Variants in EYS observed in about 807,000 individuals in gnomAD.
EYS encodes the protein protein eyes shut homolog.
Under a neutral mutation model 282.1 loss-of-function variants are expected in EYS, and 250 were observed. That is an observed-to-expected ratio of 0.89 (90% CI 0.80 to 0.98). The LOEUF is 0.98. Among genes scored for constraint, EYS ranks in the 50% least tolerant of loss-of-function variants. The probability of loss-of-function intolerance (pLI) is 0.00; values close to 1 mark genes in which losing one functional copy is unlikely to be tolerated. For synonymous variants in EYS, 1,355 were observed against 1,282.9 expected, an observed-to-expected ratio of 1.06 and a Z score of -1.20; for missense variants, 4,016 against 3,709.0, an observed-to-expected ratio of 1.08 and a Z score of -2.15.
chr6:64,625,189 T>C (rs1160719624), intron 23 of EYS, among the ~76,000 whole-genome samples: 1 of 151,556 alleles, frequency 6.6e-6, no homozygotes, highest in Non-Finnish European at 1.5e-5. Flanking sequence ...AGAGCAAAAA[T>C]CTGAAGTTAG....
intron 26 of EYS, among the ~76,000 whole-genome samples, chr6:64,475,608 C>T (rs1018135176): frequency 2.0e-5 from 3 of 151,658 alleles, no homozygotes; most frequent in Non-Finnish European, 4.4e-5. Context: ...AACACAGTTC[C>T]TGGCACATAG....
At chr6:65,375,166 G>T (rs2150344740) in intron 8 of EYS, among the ~76,000 whole-genome samples, 1 of 152,296 alleles carries the variant, frequency 6.6e-6, no homozygotes, top group East Asian at 1.9e-4. Context: ...GCCCCTCTGG[G>T]ACGAAGCTTC....
At chr6:64,768,492 C>G (rs963014308) in intron 22 of EYS, among the ~76,000 whole-genome samples, 1 of 152,034 alleles carries the variant, frequency 6.6e-6, no homozygotes, top group Non-Finnish European at 1.5e-5. Context: ...AAGTCTATTA[C>G]TTTTTTGGTC....
intron 12 of EYS, among the ~76,000 whole-genome samples, chr6:65,169,237 G>T (rs189374501): frequency 2.0e-5 from 3 of 151,444 alleles, no homozygotes; most frequent in Non-Finnish European, 3.0e-5. Context: ...CATGAAATTA[G>T]ATTGGAAAAG....
intron 35 of EYS, among the ~76,000 whole-genome samples, chr6:63,901,584 T>C (rs1773660567): frequency 6.6e-6 from 1 of 152,194 alleles, no homozygotes; most frequent in African/African-American, 2.4e-5. Flanking sequence ...ATAGTCACTG[T>C]TGAAAGCTAA....
chr6:64,488,608 A>T (rs1050381981), intron 26 of EYS, among the ~76,000 whole-genome samples: 7 of 151,112 alleles, frequency 4.6e-5, no homozygotes, highest in African/African-American at 1.4e-4. Context: ...ATTCTCATGT[A>T]TAAATAACTT....
At position 65,289,351 on chromosome 6, in the gene EYS, T is replaced by C. The variant is rs532081235; in HGVS notation, c.2023+6512A>G. The stretch of plus-strand genomic sequence containing the variant: ...TATGTATATACATTTATGTTTATTA[T>C]AAATAGATGTAAATGTTATATAGTC... On this transcript the variant is annotated intron_variant, in intron 12 of 42. Transcript: ENST00000503581. Among the ~76,000 whole-genome samples the C allele has an allele frequency of 3.3e-5, 5 of 151,132 alleles. No individual in the cohort carries two copies. The South Asian group carries it at 8.3e-4, about 25-fold the overall frequency.
chr6:65,339,777 G>A (rs1004275265), intron 10 of EYS, among the ~76,000 whole-genome samples: 3 of 151,186 alleles, frequency 2.0e-5, no homozygotes, highest in Non-Finnish European at 4.4e-5. Context: ...GGAAGTAAGA[G>A]TACTATTTTC....
chr6:65,634,035 T>TA (rs1288565665), intron 2 of EYS, among the ~76,000 whole-genome samples: 1 of 152,240 alleles, frequency 6.6e-6, no homozygotes, highest in African/African-American at 2.4e-5. Context: ...AATCTCTAAG[T>TA]AATCTTTCCA....
intron 13 of EYS, among the ~76,000 whole-genome samples, chr6:65,041,650 A>G (rs1772939226): frequency 6.6e-6 from 1 of 151,674 alleles, no homozygotes; most frequent in Non-Finnish European, 1.5e-5. Context: ...TCGTCAACTC[A>G]TCTCTTATTT....
chr6:64,953,101 C>T (rs1769568715), intron 14 of EYS, among the ~76,000 whole-genome samples: 1 of 151,772 alleles, frequency 6.6e-6, no homozygotes, highest in Admixed American at 6.6e-5. Context: ...CAACCAAAAG[C>T]AGTTCTATAA....
chr6:65,148,009 T>C (rs936072074), intron 12 of EYS, among the ~76,000 whole-genome samples: 8 of 151,976 alleles, frequency 5.3e-5, no homozygotes, highest in Non-Finnish European at 8.8e-5. Context: ...CCCACCAGGT[T>C]CCTCCCATGA....
At chr6:64,406,546 T>A (rs1379193115) in intron 28 of EYS, among the ~76,000 whole-genome samples, 12 of 151,898 alleles carry the variant, frequency 7.9e-5, no homozygotes, top group Admixed American at 5.9e-4. Flanking sequence ...TGGGAGAAAA[T>A]TTTTGCAATC....
intron 12 of EYS, among the ~76,000 whole-genome samples, chr6:65,237,436 T>G (rs1443850007): frequency 6.6e-6 from 1 of 152,146 alleles, no homozygotes; most frequent in Non-Finnish European, 1.5e-5. Context: ...CAGTAGACCT[T>G]CCACACTGAT....
At chr6:64,077,824 C>A (rs1194053747) in intron 32 of EYS, among the ~76,000 whole-genome samples, 1 of 151,992 alleles carries the variant, frequency 6.6e-6, no homozygotes, top group Non-Finnish European at 1.5e-5. Context: ...GTGGTCTCAT[C>A]CCTTCTCTCG....
chr6:63,873,325 C>A (rs1401324442), intron 35 of EYS, among the ~76,000 whole-genome samples: 3 of 152,142 alleles, frequency 2.0e-5, no homozygotes, highest in Admixed American at 6.5e-5. Flanking sequence ...CTACAAAGGA[C>A]ATGAACTCAT....
chr6:64,353,232 T>G lies in EYS; in HGVS notation c.6078+35458A>C, dbSNP rs1200876257. ...GGTGGTATTCAGAAGTCTTTCTGAA[T>G]AGTAGTCTGTAAAACTCAGTTGGAA... On this transcript the variant is annotated intron_variant, in intron 29 of 42. Coordinates refer to ENST00000503581, the MANE Select transcript of EYS (RefSeq NM_001142800.2). Among the ~76,000 whole-genome samples the G allele has an allele frequency of 5.9e-5, 9 of 151,674 alleles. No homozygotes were observed. In the East Asian group the frequency reaches 1.8e-3, roughly 30 times the overall value.
chr6:64,326,397 A>T (rs1770423292), intron 29 of EYS, among the ~76,000 whole-genome samples: 1 of 152,144 alleles, frequency 6.6e-6, no homozygotes, highest in Non-Finnish European at 1.5e-5. Flanking sequence ...TTCTCTCAAG[A>T]TGTAAGAAAT....
chr6:65,283,537 T>C (rs1460381979), intron 12 of EYS, among the ~76,000 whole-genome samples: 1 of 152,026 alleles, frequency 6.6e-6, no homozygotes, highest in Non-Finnish European at 1.5e-5. Context: ...TCCTTTCTCA[T>C]ATTATAGACT....
Sources: gnomAD v4.1 joint callset for allele counts (sites outside exome capture counted in the v4.1 genomes callset) on GRCh38, gnomAD v4.1.1 for gene constraint, MANE v1.5 for transcripts, NCBI Gene and HGNC (gene_info 2026-07-23, HGNC 2026-07-21) for gene names.